Variants in AUTS2 observed in about 807,000 individuals in gnomAD.
AUTS2 encodes activator of transcription and developmental regulator AUTS2.
A neutral mutation model predicts 112.4 loss-of-function variants in AUTS2; 17 were observed. The observed-to-expected ratio is 0.15, with a 90% confidence interval of 0.10 to 0.23. The LOEUF is 0.23. Ranked by LOEUF, AUTS2 falls within the 10% of genes least tolerant of loss-of-function variation. AUTS2 has a pLI of 1.00. For synonymous variants in AUTS2, 751 were observed against 702.7 expected (o/e 1.07, Z -1.09); for missense variants, 1,510 against 1,701.6 (o/e 0.89, Z 1.98).
At chr7:70,691,420 GAAA>G (rs5884795) in intron 5 of AUTS2, among the ~76,000 whole-genome samples, 167 of 148,106 alleles carry the variant, frequency 1.1e-3, no homozygotes, top group Middle Eastern at 3.5e-3. Flanking sequence ...ATTTCTCAAG[GAAA>G]AAAAAAAAAA....
intron 1 of AUTS2, among the ~76,000 whole-genome samples, chr7:69,852,962 T>C (rs1051049060): frequency 3.9e-5 from 6 of 152,192 alleles, no homozygotes; most frequent in African/African-American, 1.4e-4. Context: ...CTTTCTGTTA[T>C]TTATGTCTGC....
At chr7:70,316,081 T>A (rs964823294) in intron 4 of AUTS2, among the ~76,000 whole-genome samples, 4 of 152,206 alleles carry the variant, frequency 2.6e-5, no homozygotes, top group Non-Finnish European at 4.4e-5. Flanking sequence ...GCTGAATTAA[T>A]GCAGTATAAA....
chr7:70,001,723 T>TC (rs1027453513), intron 2 of AUTS2, among the ~76,000 whole-genome samples: 3 of 151,410 alleles, frequency 2.0e-5, no homozygotes, highest in African/African-American at 7.3e-5. Flanking sequence ...TTTTTTTTTT[T>TC]TTTTTTGAGA....
chr7:70,134,438 A>T (rs1806439200), intron 3 of AUTS2, 98 bp from the exon 4 acceptor site: 1 of 972,138 alleles, frequency 1.0e-6, no homozygotes, highest in Non-Finnish European at 1.7e-6. Context: ...TGATGTGGTG[A>T]TGAAAAGCCT....
chr7:69,988,673 C>G (rs1798613063), intron 2 of AUTS2, among the ~76,000 whole-genome samples: 1 of 152,132 alleles, frequency 6.6e-6, no homozygotes, highest in Non-Finnish European at 1.5e-5. Context: ...ATAGAATGAA[C>G]TAGGAATAGA....
At chr7:70,565,022 C>T (rs533441473) in intron 5 of AUTS2, among the ~76,000 whole-genome samples, 118 of 152,134 alleles carry the variant, frequency 7.8e-4, no homozygotes, top group African/African-American at 2.5e-3. Flanking sequence ...CGCTTGAACC[C>T]GGGAGGGAGA....
At chr7:70,230,244 CT>C (rs1472057988) in intron 4 of AUTS2, among the ~76,000 whole-genome samples, 2 of 152,180 alleles carry the variant, frequency 1.3e-5, no homozygotes, top group Non-Finnish European at 2.9e-5. Context: ...ATGGTTGTTT[CT>C]TTTTTGTTTT....
At chr7:70,408,394 G>A (rs1384978204) in intron 4 of AUTS2, among the ~76,000 whole-genome samples, 1 of 152,168 alleles carries the variant, frequency 6.6e-6, no homozygotes, top group Non-Finnish European at 1.5e-5. Context: ...TTCAAGAGTG[G>A]TGGAGAATGA....
chr7:70,790,044 A>G lies in AUTS2; in HGVS notation c.2828A>G (p.Tyr943Cys). Residue 943 changes from tyrosine (Y) to cysteine (C), a missense_variant, in exon 19 of 19, where the codon TAC becomes TGC. Tyr to Cys is a radical substitution (Grantham distance 194, BLOSUM62 -2). Coordinates refer to ENST00000342771, the MANE Select transcript of AUTS2 (RefSeq NM_015570.4). This position sits in a 1 kb window ranked among gnomAD's most constrained non-coding sequence, Gnocchi z 7.6. ...CAGCTGGCCCGGGTGCCGTCTCCCT[A>G]CGTGCGGACCCCGGTGGTGGAGAGT... ...AKQLARVPSP[Y>C]VRTPVVESAR... 1 of 1,581,070 alleles carries G rather than the reference A, an allele frequency of 6.3e-7. No individual in the cohort carries two copies. Among genetic ancestry groups the G allele is most frequent in the Non-Finnish European group, 8.6e-7 (1 of 1,164,908 alleles).
chr7:70,691,835 C>A (rs1463301082), intron 5 of AUTS2, among the ~76,000 whole-genome samples: 4 of 150,754 alleles, frequency 2.7e-5, no homozygotes, highest in South Asian at 4.2e-4. Flanking sequence ...TGGCTGAGGC[C>A]GTCATCTGAG....
chr7:70,393,607 G>A lies in AUTS2; in HGVS notation c.661-42145G>A, dbSNP rs142358837. Among the ~76,000 whole-genome samples, 343 of 152,194 alleles carry A rather than the reference G, an allele frequency of 2.3e-3. 1 individual carries two copies. Among genetic ancestry groups the A allele is most frequent in the African/African-American group, 7.5e-3 (311 of 41,520 alleles). On this transcript the variant is annotated intron_variant, in intron 4 of 18. Coordinates refer to ENST00000342771, the MANE Select transcript of AUTS2 (RefSeq NM_015570.4). ...CATTGATCTGGTCCTCTGTCCTTGC[G>A]AAGACGATAGCACATACTGATTATA... is the stretch of plus-strand genomic sequence containing the variant.
intron 5 of AUTS2, among the ~76,000 whole-genome samples, chr7:70,561,423 G>A (rs1801480525): frequency 6.6e-6 from 1 of 152,214 alleles, no homozygotes; most frequent in African/African-American, 2.4e-5. Flanking sequence ...CCAAGAGCTT[G>A]AGGCCAGTCT....
intron 5 of AUTS2, among the ~76,000 whole-genome samples, chr7:70,598,999 G>A (rs1803337923): frequency 1.3e-5 from 2 of 152,188 alleles, no homozygotes; most frequent in African/African-American, 4.8e-5. Context: ...TTGTCTGAGG[G>A]CAAACATGCT....
At chr7:70,547,982 C>T (rs986124529) in intron 5 of AUTS2, among the ~76,000 whole-genome samples, 1 of 152,190 alleles carries the variant, frequency 6.6e-6, no homozygotes, top group Non-Finnish European at 1.5e-5. Context: ...ACCTCCTGAA[C>T]GTGAAGTGGT....
intron 2 of AUTS2, among the ~76,000 whole-genome samples, chr7:70,054,188 A>C (rs951033217): frequency 3.3e-5 from 5 of 152,200 alleles, no homozygotes; most frequent in Non-Finnish European, 7.3e-5. Context: ...TTAAATTTGC[A>C]TAGCCATGTG....
intron 6 of AUTS2, among the ~76,000 whole-genome samples, chr7:70,751,254 C>T (rs1202526318): frequency 6.6e-6 from 1 of 152,080 alleles, no homozygotes; most frequent in Non-Finnish European, 1.5e-5. Context: ...CAGAGGGCAG[C>T]GGTAGGAAGG....
intron 4 of AUTS2, among the ~76,000 whole-genome samples, chr7:70,404,457 C>G (rs141297952): frequency 6.6e-6 from 1 of 152,300 alleles, no homozygotes; most frequent in East Asian, 1.9e-4. Context: ...CACTCCGTCT[C>G]CTCCATTTAG....
chr7:70,056,553 G>C (rs1205958854), intron 2 of AUTS2, among the ~76,000 whole-genome samples: 1 of 152,222 alleles, frequency 6.6e-6, no homozygotes, highest in East Asian at 1.9e-4. Context: ...GCTGATAAGT[G>C]CTCAATGAAT....
intron 6 of AUTS2, among the ~76,000 whole-genome samples, chr7:70,702,049 G>A (rs1809487882): frequency 6.6e-6 from 1 of 152,212 alleles, no homozygotes; most frequent in South Asian, 2.1e-4. Context: ...GCCTACTGTA[G>A]ATCCTTGCTG....
Sources: gnomAD v4.1 joint callset for allele counts (sites outside exome capture counted in the v4.1 genomes callset) on GRCh38, gnomAD v4.1.1 for gene constraint, Gnocchi (gnomAD v3.1) non-coding constraint, MANE v1.5 for transcripts, NCBI Gene and HGNC (gene_info 2026-07-23, HGNC 2026-07-21) for gene names.